The following PSMD5 variants were observed in gnomAD, a reference collection of about 807,000 sequenced individuals.
PSMD5 encodes the protein proteasome 26S subunit, non-ATPase 5, also known as 26S proteasome non-ATPase regulatory subunit 5.
In PSMD5, 40 loss-of-function variants were observed where a neutral mutation model predicts 52.1. The ratio of observed to expected loss-of-function variants is 0.77; its 90% CI spans 0.60 to 1.00. The LOEUF (loss-of-function observed/expected upper bound fraction) is 1.00, where lower values mean the gene tolerates loss of function less well. Among genes scored for constraint, PSMD5 ranks in the 50% least tolerant of loss-of-function variants. The probability of loss-of-function intolerance (pLI) is 0.00; values close to 1 mark genes in which losing one functional copy is unlikely to be tolerated. For missense variants in PSMD5, 575 were observed against 605.2 expected (o/e 0.95, Z 0.52); for synonymous variants, 211 against 226.6 (o/e 0.93, Z 0.62).
At chr9:120,827,524 T>C (rs1231050936) in intron 5 of PSMD5, among the ~76,000 whole-genome samples, 1 of 152,238 alleles carries the variant, frequency 6.6e-6, no homozygotes, top group Admixed American at 6.5e-5. Flanking sequence ...ATTTAGTTGG[T>C]GGTTGATCCT....
At position 120,817,562 on chromosome 9, in the gene PSMD5, C is replaced by T. The variant is rs548020279; in HGVS notation, c.*344G>A. ...TGGGAATTATAGGTGTTAGCCACCG[C>T]GCCCAGCCCTGAAGCAGGCTTTTAG... On this transcript the variant is annotated 3_prime_UTR_variant, in exon 10 of 10. Transcript: ENST00000210313. 3.4e-5 allele frequency: 7 copies of T among 203,662 alleles called. No individual in the cohort carries two copies. In the East Asian group the frequency reaches 4.5e-4, roughly 13 times the overall value. The allele number at this position is 203,662 out of a possible 1,614,324, so 12.6% of individuals were successfully genotyped here.
chr9:120,830,953 G>A (rs1394040097), intron 4 of PSMD5, among the ~76,000 whole-genome samples: 2 of 151,788 alleles, frequency 1.3e-5, no homozygotes, highest in African/African-American at 2.4e-5. Flanking sequence ...GTGCAACCAC[G>A]GCTCACTGCT....
chr9:120,820,144 G>T (rs144291071), intron 9 of PSMD5, among the ~76,000 whole-genome samples: 2 of 152,146 alleles, frequency 1.3e-5, no homozygotes, highest in Non-Finnish European at 2.9e-5. Flanking sequence ...GAACACAAAG[G>T]TATAATCCTT....
rs543410574 is a variant in PSMD5, at chr9:120,826,573, T to A, written c.814+192A>T. 77 of 604,796 alleles carry A rather than the reference T, an allele frequency of 1.3e-4. 1 individual carries two copies. In the Admixed American group the frequency reaches 1.8e-3, roughly 14 times the overall value. 37.5% of individuals were successfully genotyped at this position (604,796 alleles called of 1,614,324 possible). ...ATAAATCCCACTTCATCAGGGTGGATGACCCTTTTAATGTGCTGTTGAATT... is the reference window on the plus strand; with the variant it reads ...ATAAATCCCACTTCATCAGGGTGGAAGACCCTTTTAATGTGCTGTTGAATT... On this transcript the variant is annotated intron_variant, in intron 6 of 9. Transcript: ENST00000210313.
chr9:120,830,136 G>A (rs755185661), intron 4 of PSMD5, among the ~76,000 whole-genome samples: 2 of 152,176 alleles, frequency 1.3e-5, no homozygotes, highest in African/African-American at 2.4e-5. Context: ...AACAAAATAT[G>A]ATGACCGAAT....
intron 6 of PSMD5, among the ~76,000 whole-genome samples, chr9:120,825,196 C>T (rs2045114008): frequency 6.7e-6 from 1 of 149,266 alleles, no homozygotes; most frequent in Non-Finnish European, 1.5e-5. Flanking sequence ...AATGTCATTA[C>T]TAGTATTTTT....
intron 6 of PSMD5, among the ~76,000 whole-genome samples, chr9:120,825,678 T>C (rs2045117137): frequency 6.6e-6 from 1 of 152,204 alleles, no homozygotes; most frequent in Non-Finnish European, 1.5e-5. Flanking sequence ...TTTTGAATGC[T>C]ATTGTAAATG....
At chr9:120,821,550 T>C (rs535457982) in intron 7 of PSMD5, 86 bp from the exon 8 acceptor site, 8 of 930,670 alleles carry the variant, frequency 8.6e-6, no homozygotes, top group East Asian at 5.0e-5. Context: ...TTTTAGTGTA[T>C]AGTTCAGTGC....
At chr9:120,820,792 G>T (rs1459320541) in intron 9 of PSMD5, 47 bp downstream of exon 9, 1 of 1,509,840 alleles carries the variant, frequency 6.6e-7, no homozygotes, top group Non-Finnish European at 8.8e-7. Context: ...GTACTCAAGT[G>T]TTGAGCTGGC....
chr9:120,835,743 A>T (rs1192180312), intron 1 of PSMD5, among the ~76,000 whole-genome samples: 2 of 151,996 alleles, frequency 1.3e-5, no homozygotes, highest in African/African-American at 4.8e-5. Flanking sequence ...AAAAAAAAAT[A>T]AAATAAAATA....
intron 7 of PSMD5, among the ~76,000 whole-genome samples, chr9:120,822,913 T>A (rs1282189473): frequency 6.6e-6 from 1 of 152,016 alleles, no homozygotes; most frequent in African/African-American, 2.4e-5. Flanking sequence ...ACTACAGCCT[T>A]CACCTCCTGG....
Position 120,824,657 on chromosome 9 carries a change from A to G in PSMD5, c.843T>C (p.Ala281=). 4 of 1,599,614 alleles carry G rather than the reference A, an allele frequency of 2.5e-6. No individual in the cohort carries two copies. Among genetic ancestry groups the G allele is most frequent in the Non-Finnish European group, 3.4e-6 (4 of 1,175,492 alleles). Residue 281 remains alanine (A), a synonymous_variant, in exon 7 of 10, where the codon GCT becomes GCC. Transcript: ENST00000210313. ...AGATCTGTTGAGGACTATCCATGAC[A>G]GCCAGGTTTCCAAAAAACTTCACGA... is the stretch of plus-strand genomic sequence containing the variant. The part of the protein sequence containing the change: ...PGFVKFFGNL[A]VMDSPQQICE...
At chr9:120,836,890 ATTTTT>A (rs34718162) in intron 1 of PSMD5, among the ~76,000 whole-genome samples, 1 of 136,022 alleles carries the variant, frequency 7.4e-6, no homozygotes, top group Non-Finnish European at 1.6e-5. Context: ...CGAAGAACCG[ATTTTT>A]TTTTTTTTTT....
rs78585247 is a variant in PSMD5, at chr9:120,829,870, A to C, written c.562-662T>G. Among the ~76,000 whole-genome samples the C allele has an allele frequency of 2.4e-3, 362 of 152,294 alleles. 3 individuals are homozygous for C. Among genetic ancestry groups the C allele is most frequent in the African/African-American group, 8.1e-3 (335 of 41,554 alleles). ...TCAGTCATTCACTCACTCATTCAGC[A>C]AGTATGTTCTGAGGTCTTACTGAGA... On this transcript the variant is annotated intron_variant, in intron 4 of 9. Coordinates refer to ENST00000210313, the MANE Select transcript of PSMD5 (RefSeq NM_005047.4).
intron 4 of PSMD5, 133 bp from the exon 5 acceptor site, chr9:120,829,341 CTT>C: frequency 8.8e-7 from 1 of 1,135,892 alleles, no homozygotes. Flanking sequence ...TTATTTGTCT[CTT>C]TAAGTAGAAA....
At chr9:120,830,614 G>A (rs2045153070) in intron 4 of PSMD5, among the ~76,000 whole-genome samples, 1 of 152,132 alleles carries the variant, frequency 6.6e-6, no homozygotes. Context: ...GTAAGAAAGT[G>A]TTCTGAAGAT....
Position 120,842,916 on chromosome 9 carries a change from CCCCG to C in PSMD5, c.-11_-8del, listed in dbSNP as rs763721538. The stretch of plus-strand genomic sequence containing the variant: ...CCAAAGCCTGGGCTGCCATCTTGCC[CCCCG>C]ACGCAGGGGCTGGCCCAGCGGCCCA... On this transcript the variant is annotated 5_prime_UTR_variant, in exon 1 of 10. Coordinates refer to ENST00000210313, the MANE Select transcript of PSMD5 (RefSeq NM_005047.4). 1.9e-6 allele frequency: 3 copies of C among 1,573,270 alleles called. No individual in the cohort carries two copies. In the Admixed American group the frequency reaches 5.3e-5, roughly 28 times the overall value.
In PSMD5 at chr9:120,842,916, C is replaced by T; in HGVS notation, c.-7G>A. On this transcript the variant is annotated 5_prime_UTR_variant, in exon 1 of 10. Coordinates refer to ENST00000210313, the MANE Select transcript of PSMD5 (RefSeq NM_005047.4). ...CCAAAGCCTGGGCTGCCATCTTGCCCCCCGACGCAGGGGCTGGCCCAGCGG... is the reference window on the plus strand; with the variant it reads ...CCAAAGCCTGGGCTGCCATCTTGCCTCCCGACGCAGGGGCTGGCCCAGCGG... 6.4e-7 allele frequency: 1 copy of T among 1,573,388 alleles called. No individual in the cohort carries two copies. Among genetic ancestry groups the T allele is most frequent in the Non-Finnish European group, 8.6e-7 (1 of 1,165,896 alleles).
chr9:120,817,762 A>G lies in PSMD5; in HGVS notation c.*144T>C. The G allele has an allele frequency of 1.0e-6, 1 of 952,602 alleles. No homozygotes were observed. The highest frequency in any genetic ancestry group is 1.6e-6 in the Non-Finnish European group (1 of 645,096). The allele number at this position is 952,602 out of a possible 1,614,324, so 59.0% of individuals were successfully genotyped here. ...CTTTGCATTTCAATGTAGAAATATA[A>G]CAGTGTTGGTAACAAAGTAACATCT... On this transcript the variant is annotated 3_prime_UTR_variant, in exon 10 of 10. Coordinates refer to ENST00000210313, the MANE Select transcript of PSMD5 (RefSeq NM_005047.4).
Sources: gnomAD v4.1 joint callset for allele counts (sites outside exome capture counted in the v4.1 genomes callset) on GRCh38, gnomAD v4.1.1 for gene constraint, MANE v1.5 for transcripts, NCBI Gene and HGNC (gene_info 2026-07-23, HGNC 2026-07-21) for gene names.